The following SLC25A26 variants were observed in gnomAD, a reference collection of about 807,000 sequenced individuals.
SLC25A26 encodes mitochondrial S-adenosylmethionine carrier protein.
SLC25A26 carries 36 observed loss-of-function variants against 37.8 expected under a neutral mutation model. That is an observed-to-expected ratio of 0.95 (90% CI 0.73 to 1.26). The LOEUF (loss-of-function observed/expected upper bound fraction) is 1.26, where lower values mean the gene tolerates loss of function less well. Ranked by LOEUF, SLC25A26 falls within the 50% of genes most tolerant of loss-of-function variation. The pLI is 0.00. For synonymous variants in SLC25A26, 129 were observed against 122.5 expected, an observed-to-expected ratio of 1.05 and a Z score of -0.35; for missense variants, 390 against 331.1, an observed-to-expected ratio of 1.18 and a Z score of -1.38.
At chr3:66,293,401 G>A (rs2074782911) in intron 5 of SLC25A26, among the ~76,000 whole-genome samples, 2 of 151,090 alleles carry the variant, frequency 1.3e-5, no homozygotes, top group African/African-American at 2.4e-5. Flanking sequence ...TTTACTTTAG[G>A]TTCAGGGGTA....
chr3:66,145,548 A>G (rs558679812), intron 1 of SLC25A26, among the ~76,000 whole-genome samples: 16 of 152,368 alleles, frequency 1.1e-4, no homozygotes, highest in Middle Eastern at 3.4e-3. Flanking sequence ...AGCATTGCTG[A>G]ATCAGCATTT....
chr3:66,261,150 A>G (rs1035995298), intron 3 of SLC25A26, among the ~76,000 whole-genome samples: 3 of 152,222 alleles, frequency 2.0e-5, no homozygotes, highest in African/African-American at 4.8e-5. Context: ...TTCATGTTCA[A>G]GGTTACATAT....
At chr3:66,376,851 G>A (rs1035414802) in intron 9 of SLC25A26, among the ~76,000 whole-genome samples, 8 of 152,110 alleles carry the variant, frequency 5.3e-5, no homozygotes, top group African/African-American at 1.7e-4. Context: ...ACACATCCCT[G>A]GCTTGCCTTT....
chr3:66,231,894 C>G (rs964032328), intron 1 of SLC25A26, among the ~76,000 whole-genome samples: 7 of 152,050 alleles, frequency 4.6e-5, no homozygotes, highest in African/African-American at 1.7e-4. Flanking sequence ...ACCTCAGCCT[C>G]CCAGCAGCTA....
chr3:66,247,247 C>G (rs2072890143), intron 3 of SLC25A26, among the ~76,000 whole-genome samples: 1 of 142,322 alleles, frequency 7.0e-6, no homozygotes, highest in Non-Finnish European at 1.6e-5. Context: ...TTGATGTTGG[C>G]TATTTAAATA....
intron 5 of SLC25A26, among the ~76,000 whole-genome samples, chr3:66,266,447 C>T (rs545004855): frequency 1.2e-3 from 187 of 152,044 alleles, no homozygotes; most frequent in Middle Eastern, 3.2e-3. Context: ...TACATTTATT[C>T]TGTATGCAAT....
chr3:66,320,244 A>G (rs377557001), intron 5 of SLC25A26, among the ~76,000 whole-genome samples: 128 of 152,260 alleles, frequency 8.4e-4, no homozygotes, highest in African/African-American at 3.0e-3. Context: ...CTCTGTAACC[A>G]TTAAGCAATA....
intron 1 of SLC25A26, among the ~76,000 whole-genome samples, chr3:66,206,470 T>C (rs899226405): frequency 1.6e-4 from 24 of 152,194 alleles, no homozygotes; most frequent in African/African-American, 5.5e-4. Flanking sequence ...ATGAAAAATC[T>C]GTAGCACATT....
chr3:66,221,004 C>A lies in SLC25A26; in HGVS notation c.-91C>A. The A allele has an allele frequency of 2.9e-6, 4 of 1,380,578 alleles. No individual in the cohort carries two copies. Among genetic ancestry groups the A allele is most frequent in the Non-Finnish European group, 3.0e-6 (3 of 1,004,772 alleles). The allele number at this position is 1,380,578 out of a possible 1,614,324, so 85.5% of individuals were successfully genotyped here. A position where few individuals can be genotyped will look rare whatever the true frequency, so the allele number is the denominator to read the frequency against. ...CGTGGTCCCGGAAGTTCAAGACAGA[C>A]CCGCCTCAAACATGGCGGCGCCCAG... is the stretch of plus-strand genomic sequence containing the variant. On this transcript the variant is annotated 5_prime_UTR_variant, in exon 1 of 10. Transcript: ENST00000354883.
intron 5 of SLC25A26, among the ~76,000 whole-genome samples, chr3:66,319,744 CTTTTTTT>C (rs71105981): frequency 8.8e-4 from 81 of 92,100 alleles, no homozygotes; most frequent in South Asian, 3.8e-4. Flanking sequence ...GCAATTAAAT[CTTTTTTT>C]TTTTTTTTTT....
Position 66,266,027 on chromosome 3 carries a change from T to A in SLC25A26, c.453+2648T>A, listed in dbSNP as rs187133484. Among the ~76,000 whole-genome samples, 76 of 152,364 alleles carry A rather than the reference T, an allele frequency of 5.0e-4. 1 individual carries two copies. The highest frequency in any genetic ancestry group is 3.8e-3 in the Admixed American group (58 of 15,310). ...CTTTCTGTTCTTTAAAAAATTTGTT[T>A]TGACATATGTCCTGCTAGTAATTAA... On this transcript the variant is annotated intron_variant, in intron 5 of 9. Coordinates refer to ENST00000354883, the MANE Select transcript of SLC25A26 (RefSeq NM_001379210.1).
chr3:66,363,747 C>A (rs1046779504), intron 7 of SLC25A26, among the ~76,000 whole-genome samples: 6 of 152,088 alleles, frequency 3.9e-5, no homozygotes, highest in Non-Finnish European at 8.8e-5. Flanking sequence ...AATTATTTTG[C>A]AATTTGTTTA....
At chr3:66,317,096 T>G (rs894804305) in intron 5 of SLC25A26, among the ~76,000 whole-genome samples, 1 of 152,226 alleles carries the variant, frequency 6.6e-6, no homozygotes, top group African/African-American at 2.4e-5. Context: ...TTCTGAAGCC[T>G]TCTTCTGTCA....
chr3:66,311,073 T>C (rs1207039695), intron 5 of SLC25A26, among the ~76,000 whole-genome samples: 3 of 152,168 alleles, frequency 2.0e-5, no homozygotes, highest in African/African-American at 7.2e-5. Flanking sequence ...CTGGGTAATA[T>C]CCTCAAGTGT....
chr3:66,148,970 T>G (rs1486275768), intron 1 of SLC25A26, among the ~76,000 whole-genome samples: 1 of 152,164 alleles, frequency 6.6e-6, no homozygotes, highest in Non-Finnish European at 1.5e-5. Flanking sequence ...CATCTGTTAG[T>G]TTTTAAAAAT....
intron 5 of SLC25A26, among the ~76,000 whole-genome samples, chr3:66,271,698 G>C (rs1486812885): frequency 6.6e-6 from 1 of 152,032 alleles, no homozygotes; most frequent in African/African-American, 2.4e-5. Context: ...GCCGTATTCT[G>C]TCCCTTCAAA....
chr3:66,358,703 G>C (rs2076631131), intron 6 of SLC25A26, among the ~76,000 whole-genome samples: 1 of 152,114 alleles, frequency 6.6e-6, no homozygotes, highest in Non-Finnish European at 1.5e-5. Context: ...TGTTAACTAG[G>C]CTAGTCTCAA....
intron 5 of SLC25A26, among the ~76,000 whole-genome samples, chr3:66,314,263 T>C (rs187500787): frequency 3.6e-4 from 55 of 152,280 alleles, no homozygotes; most frequent in African/African-American, 1.2e-3. Context: ...GTTTGTCCTG[T>C]ATAGCTCTTA....
rs1379958045 is a variant in SLC25A26, at chr3:66,352,421, G to GTT, written c.498+6018_498+6019dup. Among the ~76,000 whole-genome samples the GTT allele has an allele frequency of 8.8e-4, 111 of 126,520 alleles. 5 individuals are homozygous for GTT. Among genetic ancestry groups the GTT allele is most frequent in the African/African-American group, 3.9e-3 (104 of 26,928 alleles). 83.0% of individuals were successfully genotyped at this position (126,520 alleles called of 152,430 possible). A position where few individuals can be genotyped will look rare whatever the true frequency, so the allele number is the denominator to read the frequency against. On this transcript the variant is annotated intron_variant, in intron 6 of 9. Coordinates refer to ENST00000354883, the MANE Select transcript of SLC25A26 (RefSeq NM_001379210.1). Reference sequence around the variant, plus strand: ...GTGCTGCTGCCTAGCGCCTCCCCTCGTTTTTTGTTTTTTGTTTTTTGTTTT... The same window carrying GTT: ...GTGCTGCTGCCTAGCGCCTCCCCTCGTTTTTTTTGTTTTTTGTTTTTTGTTTT...
Sources: allele counts gnomAD v4.1 joint callset (sites outside exome capture counted in the v4.1 genomes callset), GRCh38; gene constraint gnomAD v4.1.1; transcripts MANE v1.5; gene names NCBI Gene and HGNC (gene_info 2026-07-23, HGNC 2026-07-21).